The following APLF variants were observed in gnomAD, a reference collection of about 807,000 sequenced individuals.
The protein encoded by APLF is aprataxin and PNKP like factor, also known as aprataxin and PNK-like factor.
In APLF, 61 loss-of-function variants were observed where a neutral mutation model predicts 55.6. That is an observed-to-expected ratio of 1.10 (90% CI 0.89 to 1.36). APLF has a LOEUF of 1.36. APLF is among the 40% of genes most tolerant of loss of function. The pLI is 0.00. For missense variants in APLF, 611 were observed against 602.5 expected (o/e 1.01, Z -0.15); for synonymous variants, 207 against 214.8 (o/e 0.96, Z 0.32).
chr2:68,509,950 C>T (rs1382634716), intron 3 of APLF, among the ~76,000 whole-genome samples: 1 of 151,516 alleles, frequency 6.6e-6, no homozygotes, highest in Non-Finnish European at 1.5e-5. Context: ...CCATCATTCT[C>T]AGCAAACTAT....
intron 1 of APLF, among the ~76,000 whole-genome samples, chr2:68,474,500 C>T (rs1675714118): frequency 6.6e-6 from 1 of 152,206 alleles, no homozygotes; most frequent in South Asian, 2.1e-4. Flanking sequence ...TGCCAGGCAA[C>T]AGGGACAAAG....
intron 8 of APLF, among the ~76,000 whole-genome samples, chr2:68,564,210 G>A (rs139852464): frequency 6.6e-6 from 1 of 152,154 alleles, no homozygotes; most frequent in East Asian, 1.9e-4. Flanking sequence ...CGTCACCATA[G>A]CTTTGTTCAT....
chr2:68,573,650 G>A (rs1032993670), intron 9 of APLF, among the ~76,000 whole-genome samples: 1 of 143,926 alleles, frequency 6.9e-6, no homozygotes, highest in African/African-American at 2.7e-5. Flanking sequence ...TCCAGCCTGG[G>A]CAACAAAGCG....
intron 5 of APLF, among the ~76,000 whole-genome samples, chr2:68,518,414 T>TATTATATAATAATTTATTATATAA (rs1558539428): frequency 1.8e-5 from 2 of 111,070 alleles, no homozygotes; most frequent in African/African-American, 7.6e-5. Flanking sequence ...ATATTATATA[T>TATTATATAATAATTTATTATATAA]TATATAATAA....
chr2:68,542,174 A>G (rs866630417), intron 7 of APLF, among the ~76,000 whole-genome samples: 81 of 152,282 alleles, frequency 5.3e-4, no homozygotes, highest in African/African-American at 1.9e-3. Context: ...AACATATAAA[A>G]CTATAAACAT....
intron 6 of APLF, among the ~76,000 whole-genome samples, chr2:68,526,830 G>A (rs533533793): frequency 6.6e-6 from 1 of 152,296 alleles, no homozygotes; most frequent in East Asian, 1.9e-4. Flanking sequence ...TGGGACTACA[G>A]GCACAAGCTA....
chr2:68,530,023 C>T (rs1204184872), intron 6 of APLF, among the ~76,000 whole-genome samples: 1 of 152,194 alleles, frequency 6.6e-6, no homozygotes, highest in East Asian at 1.9e-4. Flanking sequence ...CGCAGGTTTC[C>T]AAAGAGAGGA....
chr2:68,537,017 TA>T (rs1471370908), intron 6 of APLF, among the ~76,000 whole-genome samples: 5 of 151,886 alleles, frequency 3.3e-5, no homozygotes, highest in Non-Finnish European at 7.4e-5. Flanking sequence ...ATACAAAAAT[TA>T]GCTGGGCATG....
chr2:68,478,302 AG>A (rs1675842437), intron 1 of APLF, among the ~76,000 whole-genome samples: 1 of 152,242 alleles, frequency 6.6e-6, no homozygotes, highest in South Asian at 2.1e-4. Flanking sequence ...AAAAAGGAAA[AG>A]GAAATTCATG....
intron 5 of APLF, among the ~76,000 whole-genome samples, chr2:68,516,992 TAATA>T (rs1351786799): frequency 8.0e-6 from 1 of 124,852 alleles, no homozygotes; most frequent in Non-Finnish European, 1.6e-5. Context: ...TTATATATAA[TAATA>T]TATGTTAATA....
chr2:68,566,371 T>C (rs1671310326), intron 8 of APLF, among the ~76,000 whole-genome samples: 1 of 152,096 alleles, frequency 6.6e-6, no homozygotes, highest in South Asian at 2.1e-4. Flanking sequence ...TTCTTTAATG[T>C]CTACCTTGCT....
At chr2:68,487,213 A>G (rs1308907021) in intron 1 of APLF, among the ~76,000 whole-genome samples, 1 of 152,094 alleles carries the variant, frequency 6.6e-6, no homozygotes, top group Non-Finnish European at 1.5e-5. Flanking sequence ...CTGAATGTCT[A>G]TTTGGTTATT....
At chr2:68,492,281 A>G (rs113612550) in intron 2 of APLF, among the ~76,000 whole-genome samples, 272 of 152,248 alleles carry the variant, frequency 1.8e-3, no homozygotes, top group African/African-American at 6.3e-3. Context: ...GATCGAGACC[A>G]TCCTGGCTAA....
At chr2:68,564,741 G>A (rs1334107521) in intron 8 of APLF, among the ~76,000 whole-genome samples, 1 of 152,038 alleles carries the variant, frequency 6.6e-6, no homozygotes, top group Non-Finnish European at 1.5e-5. Context: ...TCTGACTATA[G>A]TCACTAACCT....
intron 8 of APLF, among the ~76,000 whole-genome samples, chr2:68,553,504 T>C (rs1267186637): frequency 6.6e-6 from 1 of 152,096 alleles, no homozygotes; most frequent in Admixed American, 6.6e-5. Flanking sequence ...CTATATACTG[T>C]TTAGTGCTAG....
chr2:68,479,288 G>A (rs1424711925), intron 1 of APLF, among the ~76,000 whole-genome samples: 1 of 152,196 alleles, frequency 6.6e-6, no homozygotes, highest in African/African-American at 2.4e-5. Context: ...TATGGAAAAA[G>A]TCATGAAAGC....
intron 6 of APLF, chr2:68,528,181 G>A (rs1488162716): frequency 4.1e-6 from 3 of 739,010 alleles, no homozygotes; most frequent in Non-Finnish European, 6.8e-6. Flanking sequence ...TTGACCTCCT[G>A]ATCCGCCCAC....
At chr2:68,467,851 G>A in intron 1 of APLF, 24 bp downstream of exon 1, 1 of 1,230,394 alleles carries the variant, frequency 8.1e-7, no homozygotes, top group Non-Finnish European at 1.0e-6. Flanking sequence ...GGGGCTTAGC[G>A]GACCCCGAGA....
At chr2:68,533,192 C>G (rs1281755897) in intron 6 of APLF, among the ~76,000 whole-genome samples, 1 of 152,172 alleles carries the variant, frequency 6.6e-6, no homozygotes, top group Non-Finnish European at 1.5e-5. Context: ...TAAGGAGCCT[C>G]ACACCAGATG....
Sources: allele counts gnomAD v4.1 joint callset (sites outside exome capture counted in the v4.1 genomes callset), GRCh38; gene constraint gnomAD v4.1.1; transcripts MANE v1.5; gene names NCBI Gene and HGNC (gene_info 2026-07-23, HGNC 2026-07-21).